COL6A3: variants seen among roughly 807,000 people sequenced by gnomAD.
COL6A3 encodes collagen type VI alpha 3 chain, also known as collagen alpha-3(VI) chain.
Under a neutral mutation model 274.1 loss-of-function variants are expected in COL6A3, and 137 were observed. That is an observed-to-expected ratio of 0.50 (90% CI 0.44 to 0.58). COL6A3 has a LOEUF of 0.58. Ranked by LOEUF, COL6A3 falls within the 20% of genes least tolerant of loss-of-function variation. COL6A3 has a pLI of 0.00. For synonymous variants in COL6A3, 1,650 were observed against 1,650.6 expected, an observed-to-expected ratio of 1.00 and a Z score of 0.01; for missense variants, 3,950 against 4,124.9, an observed-to-expected ratio of 0.96 and a Z score of 1.16.
intron 25 of COL6A3, among the ~76,000 whole-genome samples, chr2:237,353,065 T>C (rs2077241162): frequency 6.6e-6 from 1 of 152,080 alleles, no homozygotes; most frequent in Admixed American, 6.5e-5. Flanking sequence ...AAAATATCCA[T>C]AGTGGGCAAA....
chr2:237,402,193 G>T (rs144840818), intron 1 of COL6A3, among the ~76,000 whole-genome samples: 171 of 152,200 alleles, frequency 1.1e-3, no homozygotes, highest in African/African-American at 4.0e-3. Context: ...CTTAGAAAAA[G>T]AACCTAGAAT....
rs886043683 is a variant in COL6A3, at chr2:237,381,485, T to C, written c.1327A>G (p.Lys443Glu). ...TIVTQVIEVN[K>E]RDIVFLVDGS... ...TCCACCAGGAAGACTATGTCTCTCT[T>C]GTTGACTTCAATGACTGTAGGTGGC... The change falls in exon 5 of 44, where the codon AAG becomes GAG. Residue 443 changes from lysine (K) to glutamate (E), a missense_variant. Transcript: ENST00000295550. 9 of 1,603,214 alleles carry C rather than the reference T, an allele frequency of 5.6e-6. No homozygotes were observed. The highest frequency in any genetic ancestry group is 6.8e-6 in the Non-Finnish European group (8 of 1,179,894).
chr2:237,364,933 G>A lies in COL6A3; in HGVS notation c.5839-505C>T, dbSNP rs527663835. On this transcript the variant is annotated intron_variant, in intron 12 of 43. Coordinates refer to ENST00000295550, the MANE Select transcript of COL6A3 (RefSeq NM_004369.4). The surrounding 1 kb of genome is among the most constrained non-coding windows in gnomAD (Gnocchi z 4.6). ...TGCATGTCTGTGGGTGTGTGTGCGTGTGTGCATGTGTGCATGTGTTATGGG... is the reference window on the plus strand; with the variant it reads ...TGCATGTCTGTGGGTGTGTGTGCGTATGTGCATGTGTGCATGTGTTATGGG... Among the ~76,000 whole-genome samples, 91 of 151,744 alleles carry A rather than the reference G, an allele frequency of 6.0e-4. No homozygotes were observed. Among genetic ancestry groups the A allele is most frequent in the African/African-American group, 2.2e-3 (91 of 41,344 alleles).
chr2:237,401,272 A>G (rs995882750), intron 1 of COL6A3, among the ~76,000 whole-genome samples: 4 of 152,226 alleles, frequency 2.6e-5, no homozygotes, highest in Admixed American at 2.0e-4. Context: ...CAGGATCTCA[A>G]AGATATATGT....
chr2:237,353,374 G>A lies in COL6A3; in HGVS notation c.6657C>T (p.Gly2219=), dbSNP rs1412066682. 6.2e-7 allele frequency: 1 copy of A among 1,614,134 alleles called. No individual in the cohort carries two copies. The highest frequency in any genetic ancestry group is 1.7e-5 in the Admixed American group (1 of 60,030). The change falls in exon 25 of 44, where the codon GGC becomes GGT. Residue 2219 remains glycine (G), a synonymous_variant. Coordinates refer to ENST00000295550, the MANE Select transcript of COL6A3 (RefSeq NM_004369.4). ...KGNKGGPGQP[G]FEGEQGTRGA... ...CTCTGGTCCCCTGCTCTCCCTCAAA[G>A]CCCGGCTGGCCAGGACCGCCCTTGT...
chr2:237,390,198 C>T (rs2078251608), intron 3 of COL6A3, among the ~76,000 whole-genome samples: 1 of 152,240 alleles, frequency 6.6e-6, no homozygotes, highest in Admixed American at 6.5e-5. Flanking sequence ...CAGGATAACA[C>T]TATTTCTTCT....
chr2:237,344,733 C>T lies in COL6A3; in HGVS notation c.7285G>A (p.Val2429Met), dbSNP rs780309337. ...CTCTCAGCAATGGTCAGGTCATTCA[C>T]AATACTCAAGACCACATCTCGCATC... ...GRMRDVVLSI[V>M]NDLTIAESNC... The change falls in exon 36 of 44, where the codon GTG (valine) becomes ATG (methionine). Residue 2429 changes from valine (V) to methionine (M), a missense_variant. This residue lies in a region of COL6A3 where 1,284 missense variants were observed against 1,349.7 expected (regional missense o/e 0.95). Transcript: ENST00000295550. The surrounding 1 kb of genome is among the most constrained non-coding windows in gnomAD (Gnocchi z 4.8). 6.2e-7 allele frequency: 1 copy of T among 1,603,214 alleles called. No individual in the cohort carries two copies.
chr2:237,394,575 C>T lies in COL6A3; in HGVS notation c.709+12G>A, dbSNP rs371151398. On this transcript the variant is annotated intron_variant, in intron 3 of 43. Coordinates refer to ENST00000295550, the MANE Select transcript of COL6A3 (RefSeq NM_004369.4). ...AGCAGGGCAGGGCGTAGCTTGGTGG[C>T]GTTGCCATTACCTGTGATGTCTTTA... 38 of 1,613,544 alleles carry T rather than the reference C, an allele frequency of 2.4e-5. No individual in the cohort carries two copies. The highest frequency in any genetic ancestry group is 4.0e-5 in the African/African-American group (3 of 74,906).
At chr2:237,366,592 T>C in intron 11 of COL6A3, 95 bp downstream of exon 11, 2 of 1,594,268 alleles carry the variant, frequency 1.3e-6, no homozygotes, top group Middle Eastern at 1.7e-4. Context: ...ACCAAATGCC[T>C]AAGGACTCCA....
intron 1 of COL6A3, among the ~76,000 whole-genome samples, chr2:237,405,536 G>A (rs1375309329): frequency 6.6e-6 from 1 of 152,048 alleles, no homozygotes; most frequent in African/African-American, 2.4e-5. Flanking sequence ...GAGAGTGCTG[G>A]TAACGTTTCC....
chr2:237,401,387 C>G (rs1167010406), intron 1 of COL6A3, among the ~76,000 whole-genome samples: 1 of 151,128 alleles, frequency 6.6e-6, no homozygotes, highest in African/African-American at 2.4e-5. Flanking sequence ...TTCATTTCAA[C>G]AGTGTTTTAT....
In COL6A3 at chr2:237,350,160, G is replaced by C; in HGVS notation, c.6866C>G (p.Pro2289Arg). The change falls in exon 28 of 44, where the codon CCT (proline) becomes CGT (arginine). Residue 2289 changes from proline to arginine, a missense_variant. By Grantham distance (103) the Pro-to-Arg change is moderately radical (BLOSUM62 -2). Around this residue, in one of 5 missense-constraint regions of COL6A3, gnomAD observed 1,284 missense variants for 1,349.7 expected, o/e 0.95. Transcript: ENST00000295550. ...GPKGGIGNRG[P>R]RGETGDDGRD... ...CTGTGACCTTACCGTCTCCCCACGA[G>C]GGCCCCGGTTCCCGATTCCTCCTTT... is the stretch of plus-strand genomic sequence containing the variant. The C allele has an allele frequency of 6.2e-7, 1 of 1,614,108 alleles. No homozygotes were observed. Among genetic ancestry groups the C allele is most frequent in the Non-Finnish European group, 8.5e-7 (1 of 1,180,006 alleles).
In COL6A3 at chr2:237,366,373, T is replaced by G. The variant is rs183752877; in HGVS notation, c.5500+314A>C. 6.1e-3 allele frequency among the ~76,000 whole-genome samples: 931 copies of G among 152,314 alleles called. 3 individuals carry two copies. The highest frequency in any genetic ancestry group is 0.01 in the Middle Eastern group (3 of 294). ...AGCACTTGAAAATCAAATATTCTGA[T>G]CTCAAATACTTGATCTAATAAATCT... On this transcript the variant is annotated intron_variant, in intron 11 of 43. Coordinates refer to ENST00000295550, the MANE Select transcript of COL6A3 (RefSeq NM_004369.4).
rs138281601 is a variant in COL6A3, at chr2:237,378,707, G to A, written c.2426C>T (p.Pro809Leu). Residue 809 changes from proline to leucine, a missense_variant, in exon 6 of 44, where the codon CCT becomes CTT. Physicochemically the swap from Pro to Leu is moderately conservative, Grantham distance 98. Transcript: ENST00000295550. ...GGTTAGGGGCTGAATCAGCTGCTGAGGCAAAGCTGGCAGGGAGCTGAAATC... is the reference window on the plus strand; with the variant it reads ...GGTTAGGGGCTGAATCAGCTGCTGAAGCAAAGCTGGCAGGGAGCTGAAATC... ...MDDFSSLPALPQQLIQPLTTY... is the reference protein window; with the variant it reads ...MDDFSSLPALLQQLIQPLTTY... 10 of 1,613,828 alleles carry A rather than the reference G, an allele frequency of 6.2e-6. No homozygotes were observed. The African/African-American group carries it at 9.3e-5, about 15-fold the overall frequency.
chr2:237,346,478 G>A (rs746187988), intron 32 of COL6A3, 25 bp downstream of exon 32: 9 of 1,611,246 alleles, frequency 5.6e-6, no homozygotes, highest in South Asian at 3.3e-5. Context: ...CCAGGTGGCC[G>A]GGTCAGAACT....
Position 237,413,620 on chromosome 2 carries a change from G to C in COL6A3, c.-31+333C>G, listed in dbSNP as rs2078908713. On this transcript the variant is annotated intron_variant, in intron 1 of 43. Transcript: ENST00000295550. This position sits in a 1 kb window ranked among gnomAD's most constrained non-coding sequence, Gnocchi z 4.0. The stretch of plus-strand genomic sequence containing the variant: ...TGCAAACAAAGCGGATCCCGAATGG[G>C]TTTTAGAAGGCGGCAGTAACTTAAA... Among the ~76,000 whole-genome samples, 1 of 152,174 alleles carries C rather than the reference G, an allele frequency of 6.6e-6. No individual in the cohort carries two copies. The highest frequency in any genetic ancestry group is 2.4e-5 in the African/African-American group (1 of 41,430).
At chr2:237,333,591 C>G in intron 41 of COL6A3, 43 bp from the exon 42 acceptor site, 1 of 1,550,458 alleles carries the variant, frequency 6.4e-7, no homozygotes, top group Non-Finnish European at 8.9e-7. Context: ...AAATCAGAAA[C>G]AGGAGGGCTT....
At chr2:237,334,939 T>C (rs1574929196) in intron 40 of COL6A3, 50 bp from the exon 41 acceptor site, 1 of 1,603,820 alleles carries the variant, frequency 6.2e-7, no homozygotes, top group Middle Eastern at 1.8e-4. Context: ...CCTCCATGAC[T>C]GTAGTGCATG....
chr2:237,350,335 G>T, intron 27 of COL6A3, 126 bp from the exon 28 acceptor site: 1 of 829,802 alleles, frequency 1.2e-6, no homozygotes, highest in South Asian at 1.4e-5. Context: ...GATTTCGGTG[G>T]AATGATTTTC....
Sources: allele counts gnomAD v4.1 joint callset (sites outside exome capture counted in the v4.1 genomes callset), GRCh38; gene constraint gnomAD v4.1.1; regional missense constraint gnomAD v4.1.1; non-coding constraint Gnocchi (gnomAD v3.1); transcripts MANE v1.5; gene names NCBI Gene and HGNC (gene_info 2026-07-23, HGNC 2026-07-21).